The following COL25A1 variants were observed in gnomAD, a reference collection of about 807,000 sequenced individuals.
The protein encoded by COL25A1 is collagen alpha-1(XXV) chain.
Under a neutral mutation model 128.4 loss-of-function variants are expected in COL25A1, and 103 were observed. The observed-to-expected ratio is 0.80, with a 90% CI of 0.68 to 0.94. The LOEUF (loss-of-function observed/expected upper bound fraction) is 0.94, where lower values mean the gene tolerates loss of function less well. Among genes scored for constraint, COL25A1 ranks in the 40% least tolerant of loss-of-function variants. The pLI, the probability that COL25A1 is intolerant of heterozygous loss-of-function variation, is 0.00. For synonymous variants in COL25A1, 279 were observed against 277.2 expected, an observed-to-expected ratio of 1.01 and a Z score of -0.06; for missense variants, 745 against 840.0, an observed-to-expected ratio of 0.89 and a Z score of 1.40.
intron 3 of COL25A1, among the ~76,000 whole-genome samples, chr4:109,057,856 CTATT>C (rs1408641190): frequency 2.6e-5 from 4 of 151,998 alleles, no homozygotes; most frequent in Non-Finnish European, 4.4e-5. Flanking sequence ...TAATTAGTTG[CTATT>C]TATTAATTTT....
At chr4:108,996,015 C>T (rs4956068) in intron 6 of COL25A1, among the ~76,000 whole-genome samples, 121,397 of 152,090 alleles carry the variant, frequency 0.8, 49,632 homozygotes, top group East Asian at 1. Flanking sequence ...TGCAAAAACA[C>T]GACAAACTGT....
At chr4:109,190,412 A>G (rs556974897) in intron 3 of COL25A1, among the ~76,000 whole-genome samples, 2 of 152,276 alleles carry the variant, frequency 1.3e-5, no homozygotes, top group African/African-American at 2.4e-5. Context: ...GAAGGAGGGA[A>G]GAAGGGAGGG....
At chr4:108,824,834 G>GA (rs1042511442) in intron 34 of COL25A1, among the ~76,000 whole-genome samples, 22 of 152,152 alleles carry the variant, frequency 1.4e-4, no homozygotes, top group Non-Finnish European at 2.8e-4. Flanking sequence ...ACTGCTTTGA[G>GA]AAAAAAACAT....
chr4:108,898,064 T>C (rs932261196), intron 15 of COL25A1, among the ~76,000 whole-genome samples: 1 of 152,200 alleles, frequency 6.6e-6, no homozygotes, highest in African/African-American at 2.4e-5. Context: ...TAGTAATGTG[T>C]TATGAGGGAT....
intron 3 of COL25A1, among the ~76,000 whole-genome samples, chr4:109,204,256 T>C (rs1427333823): frequency 1.3e-5 from 2 of 152,178 alleles, no homozygotes; most frequent in Non-Finnish European, 2.9e-5. Context: ...AGGAAAATAT[T>C]ATATCCTAAA....
At chr4:109,021,403 CTAA>C (rs1315540295) in intron 5 of COL25A1, among the ~76,000 whole-genome samples, 5 of 152,172 alleles carry the variant, frequency 3.3e-5, no homozygotes, top group Admixed American at 3.3e-4. Flanking sequence ...TATCACTTCC[CTAA>C]TAATACTCTA....
intron 13 of COL25A1, among the ~76,000 whole-genome samples, chr4:108,912,897 A>G (rs1253980971): frequency 1.3e-5 from 2 of 152,200 alleles, no homozygotes; most frequent in African/African-American, 4.8e-5. Flanking sequence ...TTCAAATGTC[A>G]TAACTATAAA....
At chr4:109,126,933 G>A (rs974778442) in intron 3 of COL25A1, among the ~76,000 whole-genome samples, 17 of 150,654 alleles carry the variant, frequency 1.1e-4, no homozygotes, top group Middle Eastern at 3.5e-3. Context: ...AAAAAGAAAC[G>A]TCTCTCTTTA....
At chr4:109,008,844 G>A (rs1022265471) in intron 6 of COL25A1, among the ~76,000 whole-genome samples, 4 of 152,084 alleles carry the variant, frequency 2.6e-5, no homozygotes, top group Admixed American at 6.5e-5. Flanking sequence ...AGCTGAGTAC[G>A]GTGGCTTATG....
intron 13 of COL25A1, among the ~76,000 whole-genome samples, chr4:108,908,031 C>T (rs1743735399): frequency 6.6e-6 from 1 of 152,294 alleles, no homozygotes; most frequent in South Asian, 2.1e-4. Context: ...GTTGTTGTTG[C>T]TGCTCTTGTT....
intron 3 of COL25A1, among the ~76,000 whole-genome samples, chr4:109,186,411 T>C (rs913284093): frequency 1.2e-4 from 19 of 152,352 alleles, no homozygotes; most frequent in Non-Finnish European, 2.6e-4. Flanking sequence ...AAAAATTATA[T>C]AAATGACAGT....
chr4:108,969,782 A>G (rs1362849409), intron 8 of COL25A1, among the ~76,000 whole-genome samples: 2 of 152,206 alleles, frequency 1.3e-5, no homozygotes, highest in Non-Finnish European at 2.9e-5. Context: ...TTGTCTGTAC[A>G]GCCTAGATTC....
chr4:109,179,379 C>T (rs1309095029), intron 3 of COL25A1, among the ~76,000 whole-genome samples: 1 of 152,240 alleles, frequency 6.6e-6, no homozygotes, highest in African/African-American at 2.4e-5. Context: ...TTCAACTATG[C>T]ATGTCCATCC....
At chr4:108,977,979 T>C (rs1483482896) in intron 6 of COL25A1, among the ~76,000 whole-genome samples, 1 of 152,176 alleles carries the variant, frequency 6.6e-6, no homozygotes, top group East Asian at 1.9e-4. Flanking sequence ...CCTTGTTAGG[T>C]TACACAGCAT....
intron 26 of COL25A1, among the ~76,000 whole-genome samples, chr4:108,850,318 G>A (rs1259058228): frequency 6.6e-6 from 1 of 152,086 alleles, no homozygotes; most frequent in African/African-American, 2.4e-5. Flanking sequence ...ATCAGAAGGG[G>A]TTCTGTACTT....
chr4:108,955,991 T>A lies in COL25A1; in HGVS notation c.493-14554A>T, dbSNP rs537587401. 8.5e-5 allele frequency among the ~76,000 whole-genome samples: 13 copies of A among 152,210 alleles called. No homozygotes were observed. In the East Asian group the frequency reaches 2.5e-3, roughly 29 times the overall value. On this transcript the variant is annotated intron_variant, in intron 8 of 37. Transcript: ENST00000399132. ...ATACTGAGCATTTGCCAAAAAAAAATTATTCAACCATTCGTATCATTTTTT... is the reference window on the plus strand; with the variant it reads ...ATACTGAGCATTTGCCAAAAAAAAAATATTCAACCATTCGTATCATTTTTT...
At chr4:109,238,271 T>C (rs1181783244) in intron 3 of COL25A1, among the ~76,000 whole-genome samples, 1 of 152,056 alleles carries the variant, frequency 6.6e-6, no homozygotes, top group Non-Finnish European at 1.5e-5. Context: ...AATCAAGTTT[T>C]TTACCAAGCA....
intron 11 of COL25A1, 114 bp from the exon 12 acceptor site, chr4:108,920,718 C>A: frequency 1.7e-6 from 1 of 597,938 alleles, no homozygotes; most frequent in Middle Eastern, 2.8e-4. Flanking sequence ...AATATGTTGA[C>A]ATTTCATATA....
intron 3 of COL25A1, among the ~76,000 whole-genome samples, chr4:109,197,623 T>C (rs905171212): frequency 6.7e-6 from 1 of 149,086 alleles, no homozygotes; most frequent in African/African-American, 2.5e-5. Flanking sequence ...TCATATAAAT[T>C]TAAAAGCCTG....
Sources: gnomAD v4.1 joint callset for allele counts (sites outside exome capture counted in the v4.1 genomes callset) on GRCh38, gnomAD v4.1.1 for gene constraint, MANE v1.5 for transcripts, NCBI Gene and HGNC (gene_info 2026-07-23, HGNC 2026-07-21) for gene names.